Variants in PADI2 observed in about 807,000 individuals in gnomAD.
The protein encoded by PADI2 is peptidyl arginine deiminase 2, also known as protein-arginine deiminase type-2.
In PADI2, 70 loss-of-function variants were observed where a neutral mutation model predicts 81.1. The observed-to-expected ratio is 0.86, with a 90% confidence interval of 0.71 to 1.05. PADI2 has a LOEUF of 1.05. PADI2 is among the 50% of genes least tolerant of loss of function. The pLI is 0.00. For missense variants in PADI2, 853 were observed against 889.9 expected (o/e 0.96, Z 0.53); for synonymous variants, 338 against 358.0 (o/e 0.94, Z 0.63).
Position 17,091,399 on chromosome 1 carries a change from CATT to C in PADI2, c.655+1006_655+1008del, listed in dbSNP as rs1416836351. 4.6e-5 allele frequency among the ~76,000 whole-genome samples: 7 copies of C among 151,972 alleles called. No individual in the cohort carries two copies. The East Asian group carries it at 1.2e-3, about 25-fold the overall frequency. ...GAGGGAGTTTTTAAAACACATACATCATTATTATGACAGTCCCTTGCATAAAAC... is the reference window on the plus strand; with the variant it reads ...GAGGGAGTTTTTAAAACACATACATCATTATGACAGTCCCTTGCATAAAAC... On this transcript the variant is annotated intron_variant, in intron 6 of 15. Transcript: ENST00000375486.
rs757179565 is a variant in PADI2 at position 17,093,628 on chromosome 1, G to T, written c.468C>A (p.Asp156Glu). 7 of 1,614,042 alleles carry T rather than the reference G, an allele frequency of 4.3e-6. No individual in the cohort carries two copies. The highest frequency in any genetic ancestry group is 2.2e-5 in the East Asian group (1 of 44,862). ...GQGAILLVNC[D>E]RETPWLPKED... The stretch of plus-strand genomic sequence containing the variant: ...CCTTGGGCAACCAGGGTGTCTCTCG[G>T]TCACAGTTCACCAGCAGGATGGCCC... Residue 156 changes from aspartate (D) to glutamate (E), a missense_variant, in exon 5 of 16, where the codon GAC becomes GAA. Asp to Glu is a conservative substitution (Grantham distance 45). Coordinates refer to ENST00000375486, the MANE Select transcript of PADI2 (RefSeq NM_007365.3).
At chr1:17,107,458 C>T (rs538382248) in intron 1 of PADI2, among the ~76,000 whole-genome samples, 77 of 152,272 alleles carry the variant, frequency 5.1e-4, no homozygotes, top group African/African-American at 1.8e-3. Flanking sequence ...TCTGGGGCGG[C>T]GGCACCTGGA....
chr1:17,106,265 C>A (rs1301538531), intron 1 of PADI2, among the ~76,000 whole-genome samples: 1 of 152,004 alleles, frequency 6.6e-6, no homozygotes. Flanking sequence ...TCAAGAACTC[C>A]GAAAGTATTT....
Position 17,112,927 on chromosome 1 carries a change from C to T in PADI2, c.92+6353G>A, listed in dbSNP as rs146494452. Reference sequence around the variant, plus strand: ...TATACTCCAGGCCTCTGAAGCTGTGCCCTTTCTGTCTCTGTGTGCCCCAAC... The same window carrying T: ...TATACTCCAGGCCTCTGAAGCTGTGTCCTTTCTGTCTCTGTGTGCCCCAAC... On this transcript the variant is annotated intron_variant, in intron 1 of 15. Transcript: ENST00000375486. Among the ~76,000 whole-genome samples the T allele has an allele frequency of 2.7e-3, 413 of 152,326 alleles. 2 individuals carry two copies. Among genetic ancestry groups the T allele is most frequent in the African/African-American group, 9.4e-3 (390 of 41,554 alleles).
intron 2 of PADI2, among the ~76,000 whole-genome samples, chr1:17,104,019 AC>A (rs1341892251): frequency 1.3e-5 from 2 of 150,954 alleles, no homozygotes; most frequent in Middle Eastern, 3.5e-3. Context: ...GCGGTGGCTC[AC>A]GCCTGTAATC....
intron 4 of PADI2, 45 bp from the exon 5 acceptor site, chr1:17,093,729 G>T (rs765109172): frequency 1.7e-6 from 2 of 1,166,936 alleles, no homozygotes; most frequent in East Asian, 2.3e-5. Context: ...CTCTATGCTT[G>T]TATAGACCCC....
chr1:17,100,990 C>CT (rs1181349661), intron 3 of PADI2, among the ~76,000 whole-genome samples: 2 of 150,740 alleles, frequency 1.3e-5, no homozygotes, highest in Non-Finnish European at 1.5e-5. Flanking sequence ...ATTTTTTTTT[C>CT]TTTTTTTTGC....
chr1:17,083,496 C>T (rs996629714), intron 9 of PADI2: 1 of 504,784 alleles, frequency 2.0e-6, no homozygotes, highest in African/African-American at 1.9e-5. Flanking sequence ...GGCCGTTACT[C>T]AGTCCTCCAC....
intron 1 of PADI2, among the ~76,000 whole-genome samples, chr1:17,112,137 T>C (rs1020300602): frequency 2.6e-5 from 4 of 151,624 alleles, no homozygotes; most frequent in South Asian, 2.1e-4. Flanking sequence ...GGGGAGGAGG[T>C]GGCTGCAGCT....
chr1:17,071,594 G>C, intron 13 of PADI2, 103 bp from the exon 14 acceptor site: 1 of 877,632 alleles, frequency 1.1e-6, no homozygotes, highest in Non-Finnish European at 1.9e-6. Flanking sequence ...GCTGGACTGG[G>C]ACTGGGGAGA....
intron 10 of PADI2, 23 bp downstream of exon 10, chr1:17,082,522 G>A (rs2076617): frequency 0.34 from 480,985 of 1,429,742 alleles, 83,236 homozygotes; most frequent in East Asian, 0.58. Flanking sequence ...TGCTCCACCC[G>A]CAAGTGGCCC....
Position 17,074,876 on chromosome 1 carries a change from C to T in PADI2, c.1529G>A (p.Gly510Glu). ...CTCACCTTTGAACATGATGGCCTCT[C>T]CATGGCCGTCCTTCTGCTTCTCTCG... ...LFREKQKDGH[G>E]EAIMFKGLGG... Residue 510 changes from glycine to glutamate, a missense_variant, in exon 13 of 16, where the codon GGA becomes GAA. Gly to Glu is a moderately conservative substitution (Grantham distance 98). Coordinates refer to ENST00000375486, the MANE Select transcript of PADI2 (RefSeq NM_007365.3). 2 of 1,612,204 alleles carry T rather than the reference C, an allele frequency of 1.2e-6. No individual in the cohort carries two copies. The highest frequency in any genetic ancestry group is 2.2e-5 in the South Asian group (2 of 90,860).
In PADI2 at chr1:17,103,041, C is replaced by T. The variant is rs767633904; in HGVS notation, c.295G>A (p.Asp99Asn). The change falls in exon 3 of 16, where the codon GAC becomes AAC. Residue 99 changes from aspartate to asparagine, a missense_variant. Coordinates refer to ENST00000375486, the MANE Select transcript of PADI2 (RefSeq NM_007365.3). The stretch of plus-strand genomic sequence containing the variant: ...TCGATGGGAATGCTCCCTTCCTCGT[C>T]ATAGTAGTTGACGGTGACCTTGGTG... Reference protein sequence around the residue: ...SSDKVTVNYYDEEGSIPIDQA... With the variant: ...SSDKVTVNYYNEEGSIPIDQA... 4.3e-6 allele frequency: 7 copies of T among 1,613,378 alleles called. No homozygotes were observed. Among genetic ancestry groups the T allele is most frequent in the Non-Finnish European group, 5.9e-6 (7 of 1,179,610 alleles).
Position 17,070,193 on chromosome 1 carries a change from G to A in PADI2, c.1659C>T (p.Asp553=). ...YFQRCLDWNR[D]ILKKELGLTE... ...TCAGTCCCAGCTCCTTCTTGAGGAT[G>A]TCACGGTTCCAGTCTAGGCAGCGCT... The change falls in exon 15 of 16, where the codon GAC becomes GAT. Residue 553 remains aspartate (D), a synonymous_variant. Coordinates refer to ENST00000375486, the MANE Select transcript of PADI2 (RefSeq NM_007365.3). 3.1e-6 allele frequency: 5 copies of A among 1,614,086 alleles called. No individual in the cohort carries two copies. The highest frequency in any genetic ancestry group is 4.2e-6 in the Non-Finnish European group (5 of 1,179,970).
chr1:17,068,856 G>A lies in PADI2; in HGVS notation c.*188C>T, dbSNP rs1471581085. On this transcript the variant is annotated 3_prime_UTR_variant, in exon 16 of 16. Coordinates refer to ENST00000375486, the MANE Select transcript of PADI2 (RefSeq NM_007365.3). ...AGCAGGGACAGAGTCGAGGCTCACT[G>A]GGGATGGCTTCAGAGGACACTGAGG... is the stretch of plus-strand genomic sequence containing the variant. 1 of 604,990 alleles carries A rather than the reference G, an allele frequency of 1.7e-6. No individual in the cohort carries two copies. The highest frequency in any genetic ancestry group is 1.9e-5 in the African/African-American group (1 of 53,916). 37.5% of individuals were successfully genotyped at this position (604,990 alleles called of 1,614,324 possible). A position where few individuals can be genotyped will look rare whatever the true frequency, so the allele number is the denominator to read the frequency against.
At chr1:17,110,164 CTCG>C (rs1167245565) in intron 1 of PADI2, among the ~76,000 whole-genome samples, 2 of 152,180 alleles carry the variant, frequency 1.3e-5, no homozygotes, top group African/African-American at 4.8e-5. Flanking sequence ...TAGAATCTCT[CTCG>C]CAGAAACCCG....
At position 17,119,184 on chromosome 1, in the gene PADI2, G is replaced by T. The variant is rs1332674578; in HGVS notation, c.92+96C>A. 2 of 852,958 alleles carry T rather than the reference G, an allele frequency of 2.3e-6. No homozygotes were observed. The highest frequency in any genetic ancestry group is 1.8e-5 in the South Asian group (1 of 57,140). The allele number at this position is 852,958 out of a possible 1,614,324, so 52.8% of individuals were successfully genotyped here. On this transcript the variant is annotated intron_variant, in intron 1 of 15. Coordinates refer to ENST00000375486, the MANE Select transcript of PADI2 (RefSeq NM_007365.3). This position sits in a 1 kb window ranked among gnomAD's most constrained non-coding sequence, Gnocchi z 4.8. Reference sequence around the variant, plus strand: ...GGGGCTCGGGATGAGGGACAACTCGGGCTGGACAAAGGCTGTCCACGTCCC... The same window carrying T: ...GGGGCTCGGGATGAGGGACAACTCGTGCTGGACAAAGGCTGTCCACGTCCC...
At chr1:17,093,245 G>A (rs1930770399) in intron 5 of PADI2, among the ~76,000 whole-genome samples, 1 of 151,886 alleles carries the variant, frequency 6.6e-6, no homozygotes, top group African/African-American at 2.4e-5. Flanking sequence ...ACAGGTGCAT[G>A]CCACCACGCT....
chr1:17,104,068 G>T (rs1312518513), intron 2 of PADI2, among the ~76,000 whole-genome samples: 1 of 151,498 alleles, frequency 6.6e-6, no homozygotes, highest in East Asian at 2.0e-4. Context: ...GGATCACAAG[G>T]TCAGGAGATC....
Sources: gnomAD v4.1 joint callset for allele counts (sites outside exome capture counted in the v4.1 genomes callset) on GRCh38, gnomAD v4.1.1 for gene constraint, Gnocchi (gnomAD v3.1) non-coding constraint, MANE v1.5 for transcripts, NCBI Gene and HGNC (gene_info 2026-07-23, HGNC 2026-07-21) for gene names.